Variants in FOXM1 observed in about 807,000 individuals in gnomAD.
The protein encoded by FOXM1 is forkhead box protein M1.
FOXM1 carries 25 observed loss-of-function variants against 63.6 expected under a neutral mutation model. That is an observed-to-expected ratio of 0.39 (90% CI 0.29 to 0.55). The LOEUF (loss-of-function observed/expected upper bound fraction) is 0.55, where lower values mean the gene tolerates loss of function less well. Ranked by LOEUF, FOXM1 falls within the 20% of genes least tolerant of loss-of-function variation. The pLI is 0.60. For missense variants in FOXM1, 879 were observed against 958.7 expected, an observed-to-expected ratio of 0.92 and a Z score of 1.10; for synonymous variants, 387 against 376.9, an observed-to-expected ratio of 1.03 and a Z score of -0.31.
chr12:2,861,422 T>C (rs1252442058), intron 8 of FOXM1: 1 of 579,180 alleles, frequency 1.7e-6, no homozygotes, highest in African/African-American at 2.0e-5. Flanking sequence ...CCTATGGAAA[T>C]AAAAAATTTA....
At chr12:2,876,893 G>A (rs1020395121) in intron 1 of FOXM1, 27 bp downstream of exon 1, 1 of 152,548 alleles carries the variant, frequency 6.6e-6, no homozygotes, top group African/African-American at 2.4e-5. Context: ...GGCCAGGCCT[G>A]GGACTCCATT....
At chr12:2,871,284 T>A (rs115972968) in intron 3 of FOXM1, among the ~76,000 whole-genome samples, 4,007 of 152,180 alleles carry the variant, frequency 0.026, 161 homozygotes, top group African/African-American at 0.09. Context: ...GTTATATTGG[T>A]AACTGTGGGA....
At chr12:2,870,750 G>A (rs1309835647) in intron 3 of FOXM1, among the ~76,000 whole-genome samples, 8 of 142,028 alleles carry the variant, frequency 5.6e-5, no homozygotes, top group African/African-American at 2.1e-4. Flanking sequence ...CACGAGGTCA[G>A]GAGTTCAAGA....
In FOXM1 at chr12:2,864,804, A is replaced by G; in HGVS notation, c.1021-52T>C. ...GAAACCTATGTTAACACAATAAGGTAAAGAGGGGATGGCAAAACCCCACCA... is the reference window on the plus strand; with the variant it reads ...GAAACCTATGTTAACACAATAAGGTGAAGAGGGGATGGCAAAACCCCACCA... On this transcript the variant is annotated intron_variant, in intron 6 of 8. Coordinates refer to ENST00000359843, the MANE Select transcript of FOXM1 (RefSeq NM_021953.4). This position sits in a 1 kb window ranked among gnomAD's most constrained non-coding sequence, Gnocchi z 5.1. 3.1e-6 allele frequency: 5 copies of G among 1,596,094 alleles called. No individual in the cohort carries two copies. Among genetic ancestry groups the G allele is most frequent in the Non-Finnish European group, 4.3e-6 (5 of 1,163,796 alleles).
At chr12:2,869,992 CTTT>C (rs1183668823) in intron 3 of FOXM1, among the ~76,000 whole-genome samples, 2 of 142,142 alleles carry the variant, frequency 1.4e-5, no homozygotes, top group African/African-American at 2.6e-5. Flanking sequence ...TAAATTTTCA[CTTT>C]TTTTTTTTTT....
At chr12:2,873,953 C>T (rs2098137633) in intron 2 of FOXM1, 24 bp downstream of exon 2, 1 of 1,593,858 alleles carries the variant, frequency 6.3e-7, no homozygotes, top group Non-Finnish European at 8.6e-7. Flanking sequence ...GCTCCCTCAC[C>T]CCTTTCCCTG....
At chr12:2,873,365 C>T (rs12823339) in intron 2 of FOXM1, among the ~76,000 whole-genome samples, 7 of 134,746 alleles carry the variant, frequency 5.2e-5, no homozygotes, top group African/African-American at 2.0e-4. Context: ...CACCACTGCA[C>T]TACAGCTTGG....
At chr12:2,868,793 A>G (rs1408689401) in intron 3 of FOXM1, 39 bp from the exon 4 acceptor site, 2 of 1,542,120 alleles carry the variant, frequency 1.3e-6, no homozygotes, top group Non-Finnish European at 1.8e-6. Flanking sequence ...GAAAGAGTTC[A>G]TGAGAAGCAC....
rs1247358445 is a variant in FOXM1 at position 2,858,688 on chromosome 12, G to A, written c.2242C>T (p.Leu748=). Residue 748 remains leucine, a synonymous_variant, in exon 9 of 9, where the codon CTG becomes TTG. Coordinates refer to ENST00000359843, the MANE Select transcript of FOXM1 (RefSeq NM_021953.4). ...GACCAGTTGATGTTGTCAGGGCCCA[G>A]TGGGTCCTCGTCCAGGCCAGGAAAG... ...ISFPGLDEDP[L]GPDNINWSQF... is the part of the protein sequence containing the mutation. 4 of 1,614,074 alleles carry A rather than the reference G, an allele frequency of 2.5e-6. No individual in the cohort carries two copies. The highest frequency in any genetic ancestry group is 3.4e-6 in the Non-Finnish European group (4 of 1,180,036).
At chr12:2,861,186 C>T (rs891899294) in intron 8 of FOXM1, 5 of 564,934 alleles carry the variant, frequency 8.9e-6, no homozygotes. Context: ...AAAAAAAGAG[C>T]TCTCACAAAT....
intron 3 of FOXM1, among the ~76,000 whole-genome samples, chr12:2,869,160 G>A (rs942220241): frequency 2.0e-5 from 3 of 152,154 alleles, no homozygotes; most frequent in Non-Finnish European, 4.4e-5. Context: ...GTGAATAAAC[G>A]CATCTCATTT....
intron 8 of FOXM1, 28 bp from the exon 9 acceptor site, chr12:2,859,691 C>CCAA: frequency 6.5e-7 from 1 of 1,545,930 alleles, no homozygotes; most frequent in African/African-American, 1.4e-5. Context: ...ATAAGGTGAA[C>CCAA]CAACGGTCAC....
chr12:2,864,823 C>T lies in FOXM1; in HGVS notation c.1021-71G>A, dbSNP rs1166479412. Reference sequence around the variant, plus strand: ...TAAGGTAAAGAGGGGATGGCAAAACCCCACCAGCTGCTCTGGTGGTGTGTG... The same window carrying T: ...TAAGGTAAAGAGGGGATGGCAAAACTCCACCAGCTGCTCTGGTGGTGTGTG... On this transcript the variant is annotated intron_variant, in intron 6 of 8. Coordinates refer to ENST00000359843, the MANE Select transcript of FOXM1 (RefSeq NM_021953.4). This position sits in a 1 kb window ranked among gnomAD's most constrained non-coding sequence, Gnocchi z 5.1. 1 of 1,506,364 alleles carries T rather than the reference C, an allele frequency of 6.6e-7. No individual in the cohort carries two copies. The highest frequency in any genetic ancestry group is 9.2e-7 in the Non-Finnish European group (1 of 1,082,656). 93.3% of individuals were successfully genotyped at this position (1,506,364 alleles called of 1,614,324 possible).
intron 8 of FOXM1, among the ~76,000 whole-genome samples, chr12:2,860,732 C>A (rs28918676): frequency 1.3e-5 from 2 of 149,366 alleles, no homozygotes; most frequent in South Asian, 4.3e-4. Context: ...ATTAGCCGGG[C>A]GTGGTGGCAT....
Position 2,864,705 on chromosome 12 carries a change from T to C in FOXM1, c.1068A>G (p.Lys356=). The C allele has an allele frequency of 1.2e-6, 2 of 1,614,068 alleles. No homozygotes were observed. The highest frequency in any genetic ancestry group is 1.7e-6 in the Non-Finnish European group (2 of 1,179,998). The part of the protein sequence containing the change: ...NPELRRNMTI[K]TELPLGARRK... Reference sequence around the variant, plus strand: ...AACGTGCGCCCAGGGGGAGTTCGGTTTTGATGGTCATGTTCCGGCGGAGCT... The same window carrying C: ...AACGTGCGCCCAGGGGGAGTTCGGTCTTGATGGTCATGTTCCGGCGGAGCT... Residue 356 remains lysine (K), a synonymous_variant, in exon 7 of 9, where the codon AAA becomes AAG. Transcript: ENST00000359843. This position sits in a 1 kb window ranked among gnomAD's most constrained non-coding sequence, Gnocchi z 5.1.
chr12:2,871,800 C>G (rs2098133695), intron 3 of FOXM1, among the ~76,000 whole-genome samples: 1 of 151,964 alleles, frequency 6.6e-6, no homozygotes. Context: ...AGGTGGATTC[C>G]CAAAATGAAG....
chr12:2,867,910 G>A (rs138713345), intron 4 of FOXM1, among the ~76,000 whole-genome samples: 150 of 150,976 alleles, frequency 9.9e-4, no homozygotes, highest in Non-Finnish European at 1.7e-3. Context: ...CCTTGGAGGC[G>A]GAGGAGGTTG....
At chr12:2,865,452 G>T in intron 5 of FOXM1, 53 bp from the exon 6 acceptor site, 2 of 1,484,500 alleles carry the variant, frequency 1.3e-6, no homozygotes, top group Non-Finnish European at 1.9e-6. Context: ...TACCACCAAC[G>T]TGGTCAATTT....
At chr12:2,863,713 T>C (rs1221546519) in intron 8 of FOXM1, 1 of 149,970 alleles carries the variant, frequency 6.7e-6, no homozygotes, top group East Asian at 2.0e-4. Context: ...ACTTCTTTCT[T>C]TTCTTTTTTT....
Sources: allele counts gnomAD v4.1 joint callset (sites outside exome capture counted in the v4.1 genomes callset), GRCh38; gene constraint gnomAD v4.1.1; non-coding constraint Gnocchi (gnomAD v3.1); transcripts MANE v1.5; gene names NCBI Gene and HGNC (gene_info 2026-07-23, HGNC 2026-07-21).